PDZRN4: variants seen among roughly 807,000 people sequenced by gnomAD.
PDZRN4 encodes PDZ domain containing ring finger 4, also known as PDZ domain-containing RING finger protein 4.
In PDZRN4, 70 loss-of-function variants were observed where a neutral mutation model predicts 99.0. That is an observed-to-expected ratio of 0.71 (90% CI 0.58 to 0.86). The LOEUF is 0.86. Ranked by LOEUF, PDZRN4 falls within the 40% of genes least tolerant of loss-of-function variation. The pLI is 0.00. For synonymous variants in PDZRN4, 551 were observed against 501.6 expected (o/e 1.10, Z -1.32); for missense variants, 1,474 against 1,331.2 (o/e 1.11, Z -1.67).
chr12:41,308,436 G>A (rs1187515105), intron 3 of PDZRN4, among the ~76,000 whole-genome samples: 1 of 152,078 alleles, frequency 6.6e-6, no homozygotes, highest in South Asian at 2.1e-4. Context: ...ATTCATATGT[G>A]TAAAAAATGT....
At chr12:41,276,210 T>A (rs1591993912) in intron 3 of PDZRN4, among the ~76,000 whole-genome samples, 1 of 152,130 alleles carries the variant, frequency 6.6e-6, no homozygotes, top group Non-Finnish European at 1.5e-5. Flanking sequence ...TAAACAGATA[T>A]ACAGCATATT....
chr12:41,563,636 G>A lies in PDZRN4; in HGVS notation c.1454G>A (p.Arg485Lys). ...ECKRIVLLVARPEIQLDEGWL... is the reference protein window; with the variant it reads ...ECKRIVLLVAKPEIQLDEGWL... ...AAGAGAATCGTGCTGCTTGTTGCAAGGCCAGAGATTCAGGTCAGAACAGAG... is the reference window on the plus strand; with the variant it reads ...AAGAGAATCGTGCTGCTTGTTGCAAAGCCAGAGATTCAGGTCAGAACAGAG... Residue 485 changes from arginine (R) to lysine (K), a missense_variant, in exon 8 of 10, where the codon AGG (arginine) becomes AAG (lysine). Coordinates refer to ENST00000402685, the MANE Select transcript of PDZRN4 (RefSeq NM_001164595.2). The A allele has an allele frequency of 6.2e-7, 1 of 1,612,196 alleles. No individual in the cohort carries two copies. Among genetic ancestry groups the A allele is most frequent in the Non-Finnish European group, 8.5e-7 (1 of 1,178,534 alleles).
At chr12:41,353,531 G>A (rs1951905759) in intron 3 of PDZRN4, among the ~76,000 whole-genome samples, 1 of 152,076 alleles carries the variant, frequency 6.6e-6, no homozygotes, top group Non-Finnish European at 1.5e-5. Context: ...CAACCTAGTT[G>A]TAATGAGACA....
chr12:41,297,340 T>A (rs531112011), intron 3 of PDZRN4, among the ~76,000 whole-genome samples: 1 of 152,314 alleles, frequency 6.6e-6, no homozygotes, highest in East Asian at 1.9e-4. Flanking sequence ...ATAAATTTTT[T>A]AAAATCTGAT....
rs191130129 is a variant in PDZRN4, at chr12:41,454,616, C to T, written c.844-51840C>T. ...GACAGGAAAGTAAGAAACATTCTTC[C>T]GGTGTGACACTGGTCACAAGGATGG... On this transcript the variant is annotated intron_variant, in intron 3 of 9. Transcript: ENST00000402685. Among the ~76,000 whole-genome samples the T allele has an allele frequency of 1.2e-4, 19 of 152,288 alleles. 1 individual carries two copies. Among genetic ancestry groups the T allele is most frequent in the Middle Eastern group, 3.4e-3 (1 of 292 alleles).
chr12:41,248,579 A>G lies in PDZRN4; in HGVS notation c.843+54391A>G, dbSNP rs546886185. 2.0e-5 allele frequency among the ~76,000 whole-genome samples: 3 copies of G among 152,318 alleles called. No homozygotes were observed. The South Asian group carries it at 6.2e-4, about 32-fold the overall frequency. ...GAAATTGTGAGTTTCGAATGGCGGT[A>G]ATTAATCATTATGGTAGACTGTCAG... is the stretch of plus-strand genomic sequence containing the variant. On this transcript the variant is annotated intron_variant, in intron 3 of 9. Transcript: ENST00000402685.
chr12:41,503,697 T>C (rs967200919), intron 3 of PDZRN4, among the ~76,000 whole-genome samples: 1 of 152,154 alleles, frequency 6.6e-6, no homozygotes, highest in African/African-American at 2.4e-5. Flanking sequence ...TAGATTAACA[T>C]GTAAGGCTGA....
intron 3 of PDZRN4, among the ~76,000 whole-genome samples, chr12:41,231,829 T>C (rs1640613747): frequency 6.6e-6 from 1 of 152,018 alleles, no homozygotes; most frequent in Non-Finnish European, 1.5e-5. Flanking sequence ...AATTTATGGT[T>C]CCATGAAAGC....
intron 3 of PDZRN4, among the ~76,000 whole-genome samples, chr12:41,210,234 A>G (rs1004996102): frequency 2.6e-5 from 4 of 151,886 alleles, no homozygotes; most frequent in Non-Finnish European, 5.9e-5. Flanking sequence ...TTCATTGTAG[A>G]TTCTGGATAT....
rs71081733 is a variant in PDZRN4 at position 41,378,520 on chromosome 12, A to ATTTTTTTTTTTTTTTTTT, written c.844-127934_844-127917dup. Reference sequence around the variant, plus strand: ...TTTGGAAGTGCTCCTTCTGTCTTCAATTTTTTTTTTTTTTTTTTTGAGACA... The same window carrying ATTTTTTTTTTTTTTTTTT: ...TTTGGAAGTGCTCCTTCTGTCTTCAATTTTTTTTTTTTTTTTTTTTTTTTTTTTTTTTTTTTTGAGACA... On this transcript the variant is annotated intron_variant, in intron 3 of 9. Coordinates refer to ENST00000402685, the MANE Select transcript of PDZRN4 (RefSeq NM_001164595.2). 2.2e-3 allele frequency among the ~76,000 whole-genome samples: 227 copies of ATTTTTTTTTTTTTTTTTT among 102,774 alleles called. 15 individuals carry two copies. Among genetic ancestry groups the ATTTTTTTTTTTTTTTTTT allele is most frequent in the African/African-American group, 8.3e-3 (221 of 26,694 alleles). 67.4% of individuals were successfully genotyped at this position (102,774 alleles called of 152,430 possible).
intron 3 of PDZRN4, among the ~76,000 whole-genome samples, chr12:41,378,848 C>T (rs1429538732): frequency 6.6e-6 from 1 of 152,060 alleles, no homozygotes; most frequent in African/African-American, 2.4e-5. Flanking sequence ...TTTGGAGAAG[C>T]TTAAGAAGAA....
At chr12:41,198,158 C>A (rs1207344445) in intron 3 of PDZRN4, among the ~76,000 whole-genome samples, 1 of 151,998 alleles carries the variant, frequency 6.6e-6, no homozygotes, top group Non-Finnish European at 1.5e-5. Flanking sequence ...GCTCAAGCGA[C>A]CTGTCCACCT....
Position 41,222,593 on chromosome 12 carries a change from A to T in PDZRN4, c.843+28405A>T, listed in dbSNP as rs1054874201. ...GAGTGCAGTGGTGCAAGCTCAGCTC[A>T]CTGCAACCTCCACCTCCCGGGTTGA... On this transcript the variant is annotated intron_variant, in intron 3 of 9. Transcript: ENST00000402685. Among the ~76,000 whole-genome samples, 6 of 152,254 alleles carry T rather than the reference A, an allele frequency of 3.9e-5. No individual in the cohort carries two copies. The East Asian group carries it at 9.7e-4, about 24-fold the overall frequency.
chr12:41,506,311 G>A (rs763032021), intron 3 of PDZRN4, 145 bp from the exon 4 acceptor site: 21 of 642,352 alleles, frequency 3.3e-5, no homozygotes, highest in Non-Finnish European at 5.0e-5. Flanking sequence ...AAAGACTTCA[G>A]TAAATATTAA....
At chr12:41,303,563 C>A (rs1343146392) in intron 3 of PDZRN4, among the ~76,000 whole-genome samples, 3 of 152,184 alleles carry the variant, frequency 2.0e-5, no homozygotes, top group African/African-American at 7.2e-5. Context: ...TTCCACAAGA[C>A]TTCATCTAGC....
At chr12:41,279,173 T>C (rs1951368291) in intron 3 of PDZRN4, among the ~76,000 whole-genome samples, 1 of 152,232 alleles carries the variant, frequency 6.6e-6, no homozygotes, top group Admixed American at 6.5e-5. Context: ...TCAATGCTCT[T>C]TTATACTTTA....
chr12:41,472,552 G>A (rs1380033449), intron 3 of PDZRN4, among the ~76,000 whole-genome samples: 1 of 152,014 alleles, frequency 6.6e-6, no homozygotes, highest in African/African-American at 2.4e-5. Context: ...TATACTAATG[G>A]AGTATAGTCT....
Position 41,567,887 on chromosome 12 carries a change from T to C in PDZRN4, c.1572T>C (p.Asn524=), listed in dbSNP as rs745948102. 1.2e-6 allele frequency: 2 copies of C among 1,604,844 alleles called. No homozygotes were observed. Among genetic ancestry groups the C allele is most frequent in the South Asian group, 1.1e-5 (1 of 90,444 alleles). ...EHNEAMQPTA[N]EVEQPKKQEE... ...ATGAAGCAATGCAGCCCACTGCCAA[T>C]GAGGTGGAGCAGGTAGGGCCAACAA... is the stretch of plus-strand genomic sequence containing the variant. Residue 524 remains asparagine (N), a synonymous_variant, in exon 9 of 10, where the codon AAT becomes AAC. Coordinates refer to ENST00000402685, the MANE Select transcript of PDZRN4 (RefSeq NM_001164595.2).
chr12:41,322,776 G>A (rs12818699), intron 3 of PDZRN4, among the ~76,000 whole-genome samples: 76,404 of 151,758 alleles, frequency 0.5, 20,506 homozygotes, highest in East Asian at 0.67. Context: ...GATTACAGGC[G>A]TGAGCCACCG....
Sources: gnomAD v4.1 joint callset for allele counts (sites outside exome capture counted in the v4.1 genomes callset) on GRCh38, gnomAD v4.1.1 for gene constraint, MANE v1.5 for transcripts, NCBI Gene and HGNC (gene_info 2026-07-23, HGNC 2026-07-21) for gene names.